Variants in GALNT13 observed in about 807,000 individuals in gnomAD.
GALNT13 encodes the protein UDP-GalNAc:polypeptide N-acetylgalactosaminyltransferase 13.
GALNT13 carries 28 observed loss-of-function variants against 64.2 expected under a neutral mutation model. The observed-to-expected ratio is 0.44, with a 90% CI of 0.32 to 0.60. The LOEUF (loss-of-function observed/expected upper bound fraction) is 0.60, where lower values mean the gene tolerates loss of function less well. Among genes scored for constraint, GALNT13 ranks in the 20% least tolerant of loss-of-function variants. The pLI is 0.05. For synonymous variants in GALNT13, 214 were observed against 224.6 expected, an observed-to-expected ratio of 0.95 and a Z score of 0.42; for missense variants, 577 against 669.8, an observed-to-expected ratio of 0.86 and a Z score of 1.53.
At chr2:153,685,177 G>T in the GALNT13 span, among the ~76,000 whole-genome samples, 1 of 151,812 alleles carries the variant, frequency 6.6e-6, no homozygotes, top group Non-Finnish European at 1.5e-5. Flanking sequence ...ATACCCAGTG[G>T]ATAGTTGGGT....
At chr2:153,260,359 C>A in the GALNT13 span, among the ~76,000 whole-genome samples, 483 of 152,280 alleles carry the variant, frequency 3.2e-3, 8 homozygotes, top group East Asian at 0.038. Context: ...GAAGAACTTC[C>A]TTTAGCATTT....
chr2:154,340,217 A>G (rs1170486382), intron 9 of GALNT13, among the ~76,000 whole-genome samples: 2 of 151,976 alleles, frequency 1.3e-5, no homozygotes, highest in South Asian at 2.1e-4. Context: ...TTCTACTTGC[A>G]TCTTCCTTAA....
At chr2:154,181,628 C>A (rs1457123409) in intron 4 of GALNT13, among the ~76,000 whole-genome samples, 1 of 151,902 alleles carries the variant, frequency 6.6e-6, no homozygotes, top group Admixed American at 6.6e-5. Context: ...AAAATACATT[C>A]TTTTTCTGTT....
chr2:153,270,831 A>G, the GALNT13 span, among the ~76,000 whole-genome samples: 2 of 152,188 alleles, frequency 1.3e-5, no homozygotes, highest in African/African-American at 4.8e-5. Flanking sequence ...AGCCTAGGTG[A>G]CAGGGTGAGA....
intron 8 of GALNT13, among the ~76,000 whole-genome samples, chr2:154,279,253 A>G (rs1691827487): frequency 6.6e-6 from 1 of 152,164 alleles, no homozygotes; most frequent in South Asian, 2.1e-4. Flanking sequence ...AGGGCTAAAC[A>G]TCAAACTCAC....
the GALNT13 span, among the ~76,000 whole-genome samples, chr2:153,577,546 G>A: frequency 1.3e-5 from 2 of 151,992 alleles, no homozygotes; most frequent in Admixed American, 1.3e-4. Flanking sequence ...AATTCATCAT[G>A]TCTGTTTTCT....
At chr2:154,029,556 G>A (rs374447964) in intron 3 of GALNT13, among the ~76,000 whole-genome samples, 31 of 152,166 alleles carry the variant, frequency 2.0e-4, no homozygotes, top group African/African-American at 7.0e-4. Flanking sequence ...GATTCAAACC[G>A]CAGATCTAGC....
At chr2:153,305,979 G>C in the GALNT13 span, among the ~76,000 whole-genome samples, 4 of 152,206 alleles carry the variant, frequency 2.6e-5, no homozygotes, top group African/African-American at 9.7e-5. Flanking sequence ...CGTTGGAATG[G>C]TCACTGTGTT....
the GALNT13 span, among the ~76,000 whole-genome samples, chr2:153,491,829 G>C: frequency 6.6e-6 from 1 of 151,922 alleles, no homozygotes; most frequent in Non-Finnish European, 1.5e-5. Flanking sequence ...CCATTGGCCA[G>C]GCTGGACTCG....
At chr2:154,025,648 G>C (rs1697901292) in intron 3 of GALNT13, among the ~76,000 whole-genome samples, 1 of 152,086 alleles carries the variant, frequency 6.6e-6, no homozygotes, top group African/African-American at 2.4e-5. Flanking sequence ...TTAGTGCTAT[G>C]ATTTTTTATT....
chr2:153,574,540 C>T, the GALNT13 span, among the ~76,000 whole-genome samples: 1 of 152,018 alleles, frequency 6.6e-6, no homozygotes, highest in East Asian at 1.9e-4. Context: ...CATTGCTTTT[C>T]GTTCTTTTTG....
chr2:153,580,170 G>A, the GALNT13 span, among the ~76,000 whole-genome samples: 1 of 152,148 alleles, frequency 6.6e-6, no homozygotes, highest in African/African-American at 2.4e-5. Context: ...ACATGGCTCC[G>A]GAGGTAAAAA....
the GALNT13 span, among the ~76,000 whole-genome samples, chr2:153,228,544 CTT>C: frequency 6.6e-6 from 1 of 152,068 alleles, no homozygotes; most frequent in Non-Finnish European, 1.5e-5. Context: ...AAAACAAACT[CTT>C]TGAACAATGC....
intron 1 of GALNT13, among the ~76,000 whole-genome samples, chr2:153,887,232 T>C (rs533392955): frequency 3.3e-5 from 5 of 151,634 alleles, no homozygotes; most frequent in Non-Finnish European, 7.4e-5. Flanking sequence ...ATGCATGAAA[T>C]GTACTGATTG....
At chr2:154,306,625 G>GGGT (rs1449559958) in intron 9 of GALNT13, among the ~76,000 whole-genome samples, 1 of 149,114 alleles carries the variant, frequency 6.7e-6, no homozygotes, top group Admixed American at 6.7e-5. Flanking sequence ...TGGTGGGGGG[G>GGGT]GGGTCAAGAA....
chr2:153,659,324 T>G, the GALNT13 span, among the ~76,000 whole-genome samples: 1 of 152,126 alleles, frequency 6.6e-6, no homozygotes, highest in Non-Finnish European at 1.5e-5. Flanking sequence ...CCCTTGAGAT[T>G]AGATTTCACT....
chr2:154,308,723 A>C (rs540395168), intron 9 of GALNT13, among the ~76,000 whole-genome samples: 1 of 152,294 alleles, frequency 6.6e-6, no homozygotes, highest in East Asian at 1.9e-4. Flanking sequence ...CATAGTATCA[A>C]TGAGGGATTG....
intron 9 of GALNT13, among the ~76,000 whole-genome samples, chr2:154,340,333 C>T (rs1267635348): frequency 6.6e-6 from 1 of 152,098 alleles, no homozygotes; most frequent in African/African-American, 2.4e-5. Flanking sequence ...AAATGATCAT[C>T]CCACTTCAGC....
At chr2:153,676,667 T>G in the GALNT13 span, among the ~76,000 whole-genome samples, 7 of 152,014 alleles carry the variant, frequency 4.6e-5, no homozygotes, top group Non-Finnish European at 1.0e-4. Context: ...TCCACTATGA[T>G]CATAGTGGAT....
Sources: gnomAD v4.1 joint callset for allele counts (sites outside exome capture counted in the v4.1 genomes callset) on GRCh38, gnomAD v4.1.1 for gene constraint, MANE v1.5 for transcripts, NCBI Gene and HGNC (gene_info 2026-07-23, HGNC 2026-07-21) for gene names.